RXRA: variants seen among roughly 807,000 people sequenced by gnomAD.
RXRA encodes retinoid X receptor alpha.
A neutral mutation model predicts 44.5 loss-of-function variants in RXRA; 5 were observed. That is an observed-to-expected ratio of 0.11 (90% confidence interval 0.06 to 0.24). The LOEUF (loss-of-function observed/expected upper bound fraction) is 0.24. RXRA is among the 10% of genes least tolerant of loss of function. The pLI, the probability that RXRA is intolerant of heterozygous loss-of-function variation, is 1.00. For missense variants in RXRA, 412 were observed against 646.5 expected (o/e 0.64, Z 3.93); for synonymous variants, 291 against 271.4 (o/e 1.07, Z -0.71).
chr9:134,370,462 A>C (rs1830477855), intron 1 of RXRA, among the ~76,000 whole-genome samples: 1 of 152,178 alleles, frequency 6.6e-6, no homozygotes, highest in Non-Finnish European at 1.5e-5. Context: ...GCGCTGGTTT[A>C]CTTTGTCTCT....
chr9:134,353,583 C>A (rs1389133251), intron 1 of RXRA, among the ~76,000 whole-genome samples: 1 of 152,250 alleles, frequency 6.6e-6, no homozygotes, highest in Non-Finnish European at 1.5e-5. Context: ...GTCCACGAGC[C>A]CCTGTACCTC....
rs757014981 is a variant in RXRA, at chr9:134,408,947, C to T, written c.438C>T (p.His146=). The T allele has an allele frequency of 1.1e-5, 17 of 1,577,240 alleles. No homozygotes were observed. Among genetic ancestry groups the T allele is most frequent in the Non-Finnish European group, 1.5e-5 (17 of 1,161,090 alleles). Residue 146 remains histidine, a synonymous_variant, in exon 4 of 10, where the codon CAC becomes CAT. Transcript: ENST00000481739. ...AICGDRSSGK[H]YGVYSCEGCK... is the part of the protein sequence containing the mutation. ...CTCTGCCCTGTCCCGCAGGCAAGCA[C>T]TATGGAGTGTACAGCTGCGAGGGGT...
At chr9:134,432,089 T>A in intron 8 of RXRA, 93 bp downstream of exon 8, 1 of 950,176 alleles carries the variant, frequency 1.1e-6, no homozygotes, top group East Asian at 2.6e-5. Flanking sequence ...TGCCTCTGGC[T>A]ACATGTGGGG....
rs151137566 is a variant in RXRA at position 134,364,547 on chromosome 9, C to G, written c.29-37085C>G. Among the ~76,000 whole-genome samples the G allele has an allele frequency of 5.9e-4, 90 of 152,368 alleles. 1 individual carries two copies. In the East Asian group the frequency reaches 0.017, roughly 28 times the overall value. On this transcript the variant is annotated intron_variant, in intron 1 of 9. Transcript: ENST00000481739. ...CATCTGTGGGAAACTGAGGCCCAGACAGGCCGGGGCATGGTTCTGGTGGGG... is the reference window on the plus strand; with the variant it reads ...CATCTGTGGGAAACTGAGGCCCAGAGAGGCCGGGGCATGGTTCTGGTGGGG...
chr9:134,356,841 C>T (rs992540924), intron 1 of RXRA, among the ~76,000 whole-genome samples: 26 of 152,282 alleles, frequency 1.7e-4, no homozygotes, highest in African/African-American at 6.3e-4. Flanking sequence ...CCCAGCCTCA[C>T]CCTGCCTGAG....
intron 4 of RXRA, among the ~76,000 whole-genome samples, chr9:134,410,321 G>A (rs1310127973): frequency 6.6e-6 from 1 of 152,210 alleles, no homozygotes; most frequent in Non-Finnish European, 1.5e-5. Flanking sequence ...GAGTGCTGAC[G>A]TTTGCTCAGG....
chr9:134,439,010 A>G lies in RXRA; in HGVS notation c.*2396A>G, dbSNP rs1831681821. ...TTTCTCATCGGCCTTGTAGTTGTAC[A>G]GTGCTGTTGGTTTGAAAAGGTGATG... On this transcript the variant is annotated 3_prime_UTR_variant, in exon 10 of 10. Transcript: ENST00000481739. 1 of 152,264 alleles carries G rather than the reference A, an allele frequency of 6.6e-6. No individual in the cohort carries two copies. The highest frequency in any genetic ancestry group is 2.4e-5 in the African/African-American group (1 of 41,460). The allele number at this position is 152,264 out of a possible 1,614,324, so 9.4% of individuals were successfully genotyped here.
intron 2 of RXRA, 70 bp downstream of exon 2, chr9:134,401,952 G>A (rs1032821365): frequency 1.2e-5 from 15 of 1,285,050 alleles, no homozygotes; most frequent in Admixed American, 2.6e-5. Flanking sequence ...ACTGCAGGAC[G>A]ACCGCCTCAT....
In RXRA at chr9:134,397,859, G is replaced by T. The variant is rs531732947; in HGVS notation, c.29-3773G>T. ...AGGGCTGTGTGTCTGCTGGCTCCCGGGTTGGGTCTGAGTGTCTGAGGCTGT... is the reference window on the plus strand; with the variant it reads ...AGGGCTGTGTGTCTGCTGGCTCCCGTGTTGGGTCTGAGTGTCTGAGGCTGT... On this transcript the variant is annotated intron_variant, in intron 1 of 9. Transcript: ENST00000481739. 7.0e-4 allele frequency among the ~76,000 whole-genome samples: 107 copies of T among 152,344 alleles called. 1 individual carries two copies. Among genetic ancestry groups the T allele is most frequent in the Non-Finnish European group, 9.1e-4 (62 of 68,038 alleles).
At chr9:134,389,588 G>T (rs528645806) in intron 1 of RXRA, among the ~76,000 whole-genome samples, 1 of 152,286 alleles carries the variant, frequency 6.6e-6, no homozygotes, top group Admixed American at 6.5e-5. Context: ...AGTTCTGATG[G>T]TGACAGAGTG....
intron 1 of RXRA, among the ~76,000 whole-genome samples, chr9:134,363,761 G>A (rs533618545): frequency 1.1e-3 from 174 of 152,312 alleles, no homozygotes; most frequent in African/African-American, 3.9e-3. Context: ...GGCCCAGGCC[G>A]CCCTGAGCAT....
chr9:134,402,078 C>CTGCT (rs1830972170), intron 2 of RXRA, 196 bp downstream of exon 2: 1 of 582,736 alleles, frequency 1.7e-6, no homozygotes, highest in Non-Finnish European at 3.0e-6. Flanking sequence ...ACTGCTGAGC[C>CTGCT]TGGGCCTTTG....
rs543785157 is a variant in RXRA at position 134,373,417 on chromosome 9, G to A, written c.29-28215G>A. On this transcript the variant is annotated intron_variant, in intron 1 of 9. Transcript: ENST00000481739. ...CTGCGCTCAGCCCTTCTCGTGTGTG[G>A]TCTCCAACCCTGTGTTTTCCCAGGC... is the stretch of plus-strand genomic sequence containing the variant. Among the ~76,000 whole-genome samples the A allele has an allele frequency of 2.0e-5, 3 of 152,336 alleles. No homozygotes were observed. The South Asian group carries it at 6.2e-4, about 32-fold the overall frequency.
rs540242865 is a variant in RXRA at position 134,402,007 on chromosome 9, G to A, written c.279+125G>A. The A allele has an allele frequency of 4.1e-5, 34 of 827,840 alleles. No individual in the cohort carries two copies. In the East Asian group the frequency reaches 4.5e-4, roughly 11 times the overall value. 51.3% of individuals were successfully genotyped at this position (827,840 alleles called of 1,614,324 possible). On this transcript the variant is annotated intron_variant, in intron 2 of 9. Coordinates refer to ENST00000481739, the MANE Select transcript of RXRA (RefSeq NM_002957.6). ...AGGTGCTGTGGTCTCCCCGCTTGAC[G>A]CAGAGTATACAGAGCCTCGGGGAGC...
intron 1 of RXRA, among the ~76,000 whole-genome samples, chr9:134,327,372 G>C (rs1834933447): frequency 6.6e-6 from 1 of 152,086 alleles, no homozygotes; most frequent in African/African-American, 2.4e-5. Flanking sequence ...CTGCCATCCC[G>C]CCCGGTAGCT....
intron 5 of RXRA, among the ~76,000 whole-genome samples, chr9:134,418,572 C>G (rs781176034): frequency 1.3e-5 from 2 of 152,214 alleles, no homozygotes; most frequent in African/African-American, 4.8e-5. Flanking sequence ...TTGCAGCTCA[C>G]GTGGCCTGGA....
intron 1 of RXRA, among the ~76,000 whole-genome samples, chr9:134,362,660 G>C (rs570938717): frequency 1.3e-5 from 2 of 152,204 alleles, no homozygotes; most frequent in African/African-American, 4.8e-5. Flanking sequence ...CGGTTAAGTC[G>C]TGGATTCCTT....
intron 4 of RXRA, among the ~76,000 whole-genome samples, chr9:134,410,646 CT>C (rs1300710669): frequency 6.6e-6 from 1 of 152,222 alleles, no homozygotes. Flanking sequence ...GCCGGGGCCC[CT>C]GTGCCCAGGC....
At chr9:134,381,359 T>C (rs1830642687) in intron 1 of RXRA, among the ~76,000 whole-genome samples, 2 of 152,066 alleles carry the variant, frequency 1.3e-5, no homozygotes, top group Non-Finnish European at 2.9e-5. Flanking sequence ...CTGACCGCGC[T>C]GGGGCAGAGT....
Sources: gnomAD v4.1 joint callset for allele counts (sites outside exome capture counted in the v4.1 genomes callset) on GRCh38, gnomAD v4.1.1 for gene constraint, MANE v1.5 for transcripts, NCBI Gene and HGNC (gene_info 2026-07-23, HGNC 2026-07-21) for gene names.